SHTN1: variants seen among roughly 807,000 people sequenced by gnomAD.
SHTN1 encodes shootin-1.
SHTN1 carries 42 observed loss-of-function variants against 83.1 expected under a neutral mutation model. The ratio of observed to expected loss-of-function variants is 0.51; its 90% CI spans 0.39 to 0.65. The LOEUF is 0.65. Ranked by LOEUF, SHTN1 falls within the 30% of genes least tolerant of loss-of-function variation. The probability of loss-of-function intolerance (pLI) is 0.00; values close to 1 mark genes in which losing one functional copy is unlikely to be tolerated. For missense variants in SHTN1, 622 were observed against 737.8 expected (o/e 0.84, Z 1.82); for synonymous variants, 224 against 247.7 (o/e 0.90, Z 0.90).
chr10:116,899,506 G>GGCGTGTGTGTGTGTGTGTGTGT (rs1554906586), intron 16 of SHTN1, among the ~76,000 whole-genome samples: 2 of 124,582 alleles, frequency 1.6e-5, no homozygotes, highest in African/African-American at 5.9e-5. Flanking sequence ...GGCTGGGGCT[G>GGCGTGTGTGTGTGTGTGTGTGT]GTGTGTGTGT....
chr10:116,936,267 T>C (rs1012814122), intron 9 of SHTN1, among the ~76,000 whole-genome samples: 3 of 152,334 alleles, frequency 2.0e-5, no homozygotes, highest in Admixed American at 2.0e-4. Flanking sequence ...TGTTAGGGTG[T>C]CGATTTTAGA....
At position 116,912,825 on chromosome 10, in the gene SHTN1, C is replaced by CA. The variant is rs532472890; in HGVS notation, c.1306-983dup. ...GAGGTAAGGTTATATTCTCTCTCAT[C>CA]AAAAAAATGAGAGTTAATTAACAGC... On this transcript the variant is annotated intron_variant, in intron 13 of 16. Coordinates refer to ENST00000355371, the MANE Select transcript of SHTN1 (RefSeq NM_001127211.3). Among the ~76,000 whole-genome samples, 57 of 152,006 alleles carry CA rather than the reference C, an allele frequency of 3.7e-4. No individual in the cohort carries two copies. The South Asian group carries it at 0.011, about 30-fold the overall frequency.
intron 1 of SHTN1, among the ~76,000 whole-genome samples, chr10:116,983,675 GATAGATAGATAA>G (rs1366580865): frequency 5.6e-4 from 26 of 46,334 alleles, no homozygotes; most frequent in South Asian, 3.6e-3. Context: ...TAGATAGATA[GATAGATAGATAA>G]ATACATACAT....
intron 13 of SHTN1, 108 bp from the exon 14 acceptor site, chr10:116,911,951 TG>T: frequency 3.8e-6 from 3 of 783,620 alleles, no homozygotes; most frequent in Non-Finnish European, 6.6e-6. Flanking sequence ...GTAATATGTA[TG>T]ACTATATATA....
At chr10:116,993,985 C>A (rs1444437534) in intron 1 of SHTN1, among the ~76,000 whole-genome samples, 2 of 152,012 alleles carry the variant, frequency 1.3e-5, no homozygotes, top group Admixed American at 1.3e-4. Context: ...TGTTAGCAAG[C>A]TTTAAAAATT....
intron 1 of SHTN1, among the ~76,000 whole-genome samples, chr10:117,118,363 C>CAAAAAAAAA (rs57432703): frequency 8.4e-6 from 1 of 118,456 alleles, no homozygotes; most frequent in Non-Finnish European, 1.7e-5. Flanking sequence ...TAATCCATTT[C>CAAAAAAAAA]AAAAAAAAAA....
upstream of SHTN1, among the ~76,000 whole-genome samples, chr10:117,006,786 A>G (rs904969165): frequency 1.3e-5 from 2 of 152,000 alleles, no homozygotes; most frequent in African/African-American, 4.8e-5. Flanking sequence ...TTGCTGTTTT[A>G]TGGAAGTGCC....
intron 1 of SHTN1, among the ~76,000 whole-genome samples, chr10:117,064,805 GTC>G (rs1273014891): frequency 1.3e-5 from 2 of 152,152 alleles, no homozygotes; most frequent in African/African-American, 4.8e-5. Context: ...GAACCTTACT[GTC>G]TGTTCTTTGG....
At chr10:117,015,187 A>C (rs1852164836) in intron 2 of SHTN1, among the ~76,000 whole-genome samples, 1 of 152,072 alleles carries the variant, frequency 6.6e-6, no homozygotes. Context: ...CCTTCTTCTT[A>C]ATTAACTTCT....
intron 1 of SHTN1, among the ~76,000 whole-genome samples, chr10:117,069,913 A>G (rs1005014365): frequency 3.9e-5 from 6 of 152,218 alleles, no homozygotes; most frequent in Non-Finnish European, 8.8e-5. Flanking sequence ...GATTGTACAT[A>G]TTACAAAGGC....
chr10:117,113,338 T>C (rs1853794495), intron 1 of SHTN1, among the ~76,000 whole-genome samples: 1 of 152,208 alleles, frequency 6.6e-6, no homozygotes, highest in Non-Finnish European at 1.5e-5. Flanking sequence ...GTTCCCAGTG[T>C]TACTGAGGCA....
chr10:117,074,712 G>A (rs993425791), intron 1 of SHTN1, among the ~76,000 whole-genome samples: 1 of 152,204 alleles, frequency 6.6e-6, no homozygotes, highest in Non-Finnish European at 1.5e-5. Flanking sequence ...ACAGGGAACT[G>A]AGACTAGGAA....
chr10:116,964,758 A>G (rs990944693), intron 3 of SHTN1, among the ~76,000 whole-genome samples: 1 of 152,096 alleles, frequency 6.6e-6, no homozygotes, highest in Non-Finnish European at 1.5e-5. Flanking sequence ...CAAGGCAGGC[A>G]GATCACCTGA....
In SHTN1 at chr10:116,901,223, A is replaced by G. The variant is rs1219976089; in HGVS notation, c.1673+542T>C. 9 of 985,192 alleles carry G rather than the reference A, an allele frequency of 9.1e-6. No homozygotes were observed. In the Admixed American group the frequency reaches 3.7e-4, roughly 40 times the overall value. 61.0% of individuals were successfully genotyped at this position (985,192 alleles called of 1,614,324 possible). On this transcript the variant is annotated intron_variant, in intron 16 of 16. Transcript: ENST00000355371. ...ACTAGATCTGTCTGAAACACATTCA[A>G]TAGCAGGATTAACTCTTTGACAATC... is the stretch of plus-strand genomic sequence containing the variant.
intron 1 of SHTN1, among the ~76,000 whole-genome samples, chr10:117,002,538 T>A (rs1186901780): frequency 6.6e-6 from 1 of 152,144 alleles, no homozygotes; most frequent in African/African-American, 2.4e-5. Flanking sequence ...GTAGTAAAAA[T>A]TACTATTTTC....
Position 116,998,551 on chromosome 10 carries a change from C to T in SHTN1, c.58+6471G>A, listed in dbSNP as rs561485193. On this transcript the variant is annotated intron_variant, in intron 1 of 16. Coordinates refer to ENST00000355371, the MANE Select transcript of SHTN1 (RefSeq NM_001127211.3). ...TATAAATTAAACTTTATCACAGATA[C>T]GTATGCACAGGAAAAAACTTGGAAT... Among the ~76,000 whole-genome samples, 115 of 152,172 alleles carry T rather than the reference C, an allele frequency of 7.6e-4. 2 individuals carry two copies. In the South Asian group the frequency reaches 0.022, roughly 29 times the overall value.
chr10:116,953,628 T>G (rs1377403269), intron 5 of SHTN1, among the ~76,000 whole-genome samples: 45 of 139,024 alleles, frequency 3.2e-4, no homozygotes, highest in East Asian at 1.0e-3. Context: ...GTTTTGTTTT[T>G]TTTTTTTTTT....
chr10:116,979,881 T>G (rs1480657796), intron 1 of SHTN1, among the ~76,000 whole-genome samples: 1 of 152,222 alleles, frequency 6.6e-6, no homozygotes, highest in Non-Finnish European at 1.5e-5. Context: ...ACGTCTGCTT[T>G]ATTCACAAAG....
chr10:117,045,787 G>A (rs940516449), intron 2 of SHTN1, among the ~76,000 whole-genome samples: 40 of 152,076 alleles, frequency 2.6e-4, no homozygotes, highest in Non-Finnish European at 3.8e-4. Flanking sequence ...ATCACAACCA[G>A]ACTCAGCTTT....
Sources: allele counts gnomAD v4.1 joint callset (sites outside exome capture counted in the v4.1 genomes callset), GRCh38; gene constraint gnomAD v4.1.1; transcripts MANE v1.5; gene names NCBI Gene and HGNC (gene_info 2026-07-23, HGNC 2026-07-21).